Variants in ZDHHC3 observed in about 807,000 individuals in gnomAD.
ZDHHC3 encodes the protein zDHHC palmitoyltransferase 3.
In ZDHHC3, 9 loss-of-function variants were observed where a neutral mutation model predicts 30.6. That is an observed-to-expected ratio of 0.29 (90% CI 0.18 to 0.51). The LOEUF is 0.51. Ranked by LOEUF, ZDHHC3 falls within the 20% of genes least tolerant of loss-of-function variation. The pLI is 0.97. For synonymous variants in ZDHHC3, 136 were observed against 140.2 expected, an observed-to-expected ratio of 0.97 and a Z score of 0.21; for missense variants, 246 against 384.2, an observed-to-expected ratio of 0.64 and a Z score of 3.01.
chr3:44,958,219 G>A (rs1704123089), intron 2 of ZDHHC3, among the ~76,000 whole-genome samples: 1 of 152,132 alleles, frequency 6.6e-6, no homozygotes, highest in South Asian at 2.1e-4. Context: ...CCTTTGGGAT[G>A]GATTAATAAT....
Position 44,922,409 on chromosome 3 carries a change from A to G in ZDHHC3, c.*4280T>C. The G allele has an allele frequency of 1.0e-6, 1 of 985,360 alleles. No homozygotes were observed. The highest frequency in any genetic ancestry group is 1.2e-6 in the Non-Finnish European group (1 of 829,928). The allele number at this position is 985,360 out of a possible 1,614,324, so 61.0% of individuals were successfully genotyped here. The stretch of plus-strand genomic sequence containing the variant: ...TCTAGAGATGGGTTCCACTGATGAG[A>G]TGCACAAGGAGTGGTGGGCAGGCTA... On this transcript the variant is annotated 3_prime_UTR_variant, in exon 7 of 7. Coordinates refer to ENST00000424952, the MANE Select transcript of ZDHHC3 (RefSeq NM_001135179.2).
chr3:44,976,101 G>A lies in ZDHHC3; in HGVS notation c.-193C>T, dbSNP rs1042082571. ...TGGACTCGGCCAGACACCGGGCGGC[G>A]CGCAGGAGAAGCCCATCGAGCTCTC... On this transcript the variant is annotated 5_prime_UTR_variant, in exon 1 of 7. Coordinates refer to ENST00000424952, the MANE Select transcript of ZDHHC3 (RefSeq NM_001135179.2). The A allele has an allele frequency of 4.4e-6, 2 of 458,636 alleles. No homozygotes were observed. Among genetic ancestry groups the A allele is most frequent in the East Asian group, 7.3e-5 (2 of 27,584 alleles). The allele number at this position is 458,636 out of a possible 1,614,324, so 28.4% of individuals were successfully genotyped here.
intron 1 of ZDHHC3, among the ~76,000 whole-genome samples, chr3:44,969,420 G>A (rs959384019): frequency 2.0e-5 from 3 of 152,186 alleles, no homozygotes; most frequent in Non-Finnish European, 4.4e-5. Context: ...TTTTAGAAAC[G>A]AGAAAACTGA....
At chr3:44,939,811 T>TA (rs1251243882) in intron 3 of ZDHHC3, among the ~76,000 whole-genome samples, 1 of 152,048 alleles carries the variant, frequency 6.6e-6, no homozygotes, top group Non-Finnish European at 1.5e-5. Flanking sequence ...ATTAGAAAAA[T>TA]AAACACCGCA....
intron 6 of ZDHHC3, among the ~76,000 whole-genome samples, chr3:44,929,030 TG>T (rs1229699943): frequency 6.6e-6 from 1 of 152,052 alleles, no homozygotes; most frequent in Non-Finnish European, 1.5e-5. Context: ...AGACCTGCCA[TG>T]GGGGGGATGG....
chr3:44,954,560 G>A (rs375513023), intron 2 of ZDHHC3, among the ~76,000 whole-genome samples: 28 of 152,232 alleles, frequency 1.8e-4, no homozygotes, highest in East Asian at 1.4e-3. Context: ...ACATTTCTCA[G>A]AACTTATCCC....
chr3:44,975,745 G>A, intron 1 of ZDHHC3, among the ~76,000 whole-genome samples, 188 bp downstream of exon 1: 1 of 140,900 alleles, frequency 7.1e-6, no homozygotes, highest in Non-Finnish European at 1.5e-5. Flanking sequence ...TCCTTAGTCG[G>A]GGTCTCTCTC....
intron 1 of ZDHHC3, chr3:44,975,422 C>T (rs1705833879): frequency 6.6e-6 from 1 of 152,222 alleles, no homozygotes; most frequent in Admixed American, 6.5e-5. Context: ...CACTGCGCAC[C>T]TCGCCAGTGC....
intron 1 of ZDHHC3, among the ~76,000 whole-genome samples, chr3:44,971,380 C>A (rs537814894): frequency 6.6e-6 from 1 of 152,374 alleles, no homozygotes; most frequent in East Asian, 1.9e-4. Context: ...GGGACATGCA[C>A]CTGGAGCCTT....
At position 44,923,254 on chromosome 3, in the gene ZDHHC3, T is replaced by G. The variant is rs1700738368; in HGVS notation, c.*3435A>C. On this transcript the variant is annotated 3_prime_UTR_variant, in exon 7 of 7. Transcript: ENST00000424952. ...CCACGCCCAGCTAATTTTTTTATAT[T>G]TTTAGTAGAGACAGGGTTTCACCGT... 1.1e-6 allele frequency: 1 copy of G among 882,222 alleles called. No homozygotes were observed. The highest frequency in any genetic ancestry group is 1.4e-6 in the Non-Finnish European group (1 of 736,240). 54.6% of individuals were successfully genotyped at this position (882,222 alleles called of 1,614,324 possible).
rs940274172 is a variant in ZDHHC3 at position 44,926,493 on chromosome 3, G to A, written c.*196C>T. ...GCAGCTTCGGTCACCAAAAGAAATC[G>A]AAAGGATGGTTTTTAAAAAATAAAA... is the stretch of plus-strand genomic sequence containing the variant. On this transcript the variant is annotated 3_prime_UTR_variant, in exon 7 of 7. Coordinates refer to ENST00000424952, the MANE Select transcript of ZDHHC3 (RefSeq NM_001135179.2). The A allele has an allele frequency of 1.5e-5, 19 of 1,279,790 alleles. No individual in the cohort carries two copies. The highest frequency in any genetic ancestry group is 1.1e-4 in the Admixed American group (3 of 26,360). 79.3% of individuals were successfully genotyped at this position (1,279,790 alleles called of 1,614,324 possible). A position where few individuals can be genotyped will look rare whatever the true frequency, so the allele number is the denominator to read the frequency against.
chr3:44,945,289 C>T lies in ZDHHC3; in HGVS notation c.310G>A (p.Ala104Thr), dbSNP rs1702818271. 6.2e-7 allele frequency: 1 copy of T among 1,614,150 alleles called. No homozygotes were observed. Among genetic ancestry groups the T allele is most frequent in the Non-Finnish European group, 8.5e-7 (1 of 1,180,020 alleles). Residue 104 changes from alanine to threonine, a missense_variant, in exon 3 of 7, where the codon GCA becomes ACA. Coordinates refer to ENST00000424952, the MANE Select transcript of ZDHHC3 (RefSeq NM_001135179.2). ...TTAGTGGCATTTCCTTTGGGCACTG[C>T]CCCCTGTAGGAAAGATGAAAGGTAT... ...HCRAMLTDPG[A>T]VPKGNATKEF... is the part of the protein sequence containing the mutation.
At chr3:44,965,572 T>G (rs1241505748) in intron 1 of ZDHHC3, among the ~76,000 whole-genome samples, 2 of 152,170 alleles carry the variant, frequency 1.3e-5, no homozygotes, top group Non-Finnish European at 2.9e-5. Flanking sequence ...CTACATCATT[T>G]GTTGAGTGAG....
rs1471343527 is a variant in ZDHHC3 at position 44,922,668 on chromosome 3, T to C, written c.*4021A>G. On this transcript the variant is annotated 3_prime_UTR_variant, in exon 7 of 7. Transcript: ENST00000424952. ...AGGGGGGACTCCTGCTAGCCCCAAC[T>C]GGATTCTCAAACTTGATAGTCAGAA... 3.0e-6 allele frequency: 3 copies of C among 985,194 alleles called. No homozygotes were observed. In the East Asian group the frequency reaches 3.4e-4, roughly 112 times the overall value. The allele number at this position is 985,194 out of a possible 1,614,324, so 61.0% of individuals were successfully genotyped here.
intron 3 of ZDHHC3, 90 bp downstream of exon 3, chr3:44,945,078 G>A: frequency 6.3e-7 from 1 of 1,579,672 alleles, no homozygotes; most frequent in Non-Finnish European, 8.6e-7. Flanking sequence ...TGTTGGGGAA[G>A]TGTGTGCTAC....
At position 44,918,753 on chromosome 3, in the gene ZDHHC3, G is replaced by A. The variant is rs1700387564; in HGVS notation, c.*7936C>T. On this transcript the variant is annotated 3_prime_UTR_variant, in exon 7 of 7. Transcript: ENST00000424952. Reference sequence around the variant, plus strand: ...GGCTGGGCTCAGGCCTGCTCATGCAGCAGATCCACCCTGCAGCCTCTTCCA... The same window carrying A: ...GGCTGGGCTCAGGCCTGCTCATGCAACAGATCCACCCTGCAGCCTCTTCCA... 1 of 987,754 alleles carries A rather than the reference G, an allele frequency of 1.0e-6. No individual in the cohort carries two copies. 61.2% of individuals were successfully genotyped at this position (987,754 alleles called of 1,614,324 possible).
At chr3:44,940,984 G>T (rs148229593) in intron 3 of ZDHHC3, among the ~76,000 whole-genome samples, 1 of 152,250 alleles carries the variant, frequency 6.6e-6, no homozygotes, top group East Asian at 1.9e-4. Context: ...CTGCTTGGGT[G>T]GCAGGCTCCT....
intron 6 of ZDHHC3, among the ~76,000 whole-genome samples, chr3:44,928,055 C>G (rs1050522822): frequency 6.6e-6 from 1 of 152,184 alleles, no homozygotes; most frequent in Non-Finnish European, 1.5e-5. Context: ...GACCGTGGCC[C>G]GGCAGTATCC....
chr3:44,937,611 T>A (rs1055321399), intron 3 of ZDHHC3: 5 of 144,910 alleles, frequency 3.5e-5, no homozygotes, highest in African/African-American at 1.3e-4. Flanking sequence ...CGGAGGCAGC[T>A]AAGGTGCAAC....
Sources: allele counts gnomAD v4.1 joint callset (sites outside exome capture counted in the v4.1 genomes callset), GRCh38; gene constraint gnomAD v4.1.1; transcripts MANE v1.5; gene names NCBI Gene and HGNC (gene_info 2026-07-23, HGNC 2026-07-21).